The following MAP3K7 variants were observed in gnomAD, a reference collection of about 807,000 sequenced individuals.
The protein encoded by MAP3K7 is TGF-beta activated kinase 1.
A neutral mutation model predicts 84.8 loss-of-function variants in MAP3K7; 21 were observed. That is an observed-to-expected ratio of 0.25 (90% CI 0.18 to 0.36). The LOEUF (loss-of-function observed/expected upper bound fraction) is 0.36, where lower values mean the gene tolerates loss of function less well. Ranked by LOEUF, MAP3K7 falls within the 10% of genes least tolerant of loss-of-function variation. The pLI, the probability that MAP3K7 is intolerant of heterozygous loss-of-function variation, is 1.00. For synonymous variants in MAP3K7, 241 were observed against 247.7 expected (o/e 0.97, Z 0.25); for missense variants, 503 against 747.7 (o/e 0.67, Z 3.82).
At chr6:90,545,662 T>C (rs1239271519) in intron 11 of MAP3K7, among the ~76,000 whole-genome samples, 1 of 152,148 alleles carries the variant, frequency 6.6e-6, no homozygotes, top group East Asian at 1.9e-4. Context: ...TGACTTCTAC[T>C]CAACTTGATA....
At chr6:90,566,528 G>A (rs1370967316) in intron 3 of MAP3K7, among the ~76,000 whole-genome samples, 1 of 152,158 alleles carries the variant, frequency 6.6e-6, no homozygotes, top group African/African-American at 2.4e-5. Context: ...CCTCTTCAAG[G>A]AGAACTACAA....
intron 14 of MAP3K7, 137 bp from the exon 15 acceptor site, chr6:90,519,456 AAG>A: frequency 1.6e-6 from 1 of 627,136 alleles, no homozygotes; most frequent in South Asian, 1.8e-5. Context: ...TTGGTAATTG[AAG>A]AGTCTATTTC....
chr6:90,531,426 T>A (rs157710), intron 13 of MAP3K7, among the ~76,000 whole-genome samples: 6,524 of 152,258 alleles, frequency 0.043, 517 homozygotes, highest in African/African-American at 0.15. Flanking sequence ...AAGTAACATC[T>A]CAATAATATA....
At chr6:90,579,870 C>A (rs1264048629) in intron 1 of MAP3K7, among the ~76,000 whole-genome samples, 2 of 151,848 alleles carry the variant, frequency 1.3e-5, no homozygotes, top group African/African-American at 2.4e-5. Context: ...GGGAGACAGA[C>A]AAACAAAAAA....
At chr6:90,581,488 T>C (rs1777270603) in intron 1 of MAP3K7, among the ~76,000 whole-genome samples, 1 of 152,230 alleles carries the variant, frequency 6.6e-6, no homozygotes, top group Non-Finnish European at 1.5e-5. Context: ...AGAGTGGAAC[T>C]GCCATCTGCT....
intron 1 of MAP3K7, among the ~76,000 whole-genome samples, chr6:90,585,366 GA>G (rs1316905299): frequency 6.6e-6 from 1 of 151,912 alleles, no homozygotes; most frequent in Non-Finnish European, 1.5e-5. Flanking sequence ...ACATGCACAG[GA>G]AAAAAAATTT....
intron 5 of MAP3K7, 73 bp from the exon 6 acceptor site, chr6:90,556,697 T>A (rs1238045988): frequency 6.9e-7 from 1 of 1,445,254 alleles, no homozygotes; most frequent in Admixed American, 2.4e-5. Context: ...AGAAGAGACA[T>A]TTGTGGAAAT....
chr6:90,518,357 T>C (rs1775039088), intron 16 of MAP3K7, 90 bp downstream of exon 16: 1 of 713,886 alleles, frequency 1.4e-6, no homozygotes, highest in Non-Finnish European at 2.3e-6. Context: ...TAATGACTAA[T>C]TCTAAAAACT....
intron 13 of MAP3K7, among the ~76,000 whole-genome samples, chr6:90,529,818 C>G (rs1405141586): frequency 1.3e-5 from 2 of 152,074 alleles, no homozygotes; most frequent in African/African-American, 4.8e-5. Flanking sequence ...AGAGACCATG[C>G]GTACTTTTTA....
chr6:90,542,015 A>T (rs527616051), intron 12 of MAP3K7, among the ~76,000 whole-genome samples: 1 of 152,174 alleles, frequency 6.6e-6, no homozygotes, highest in East Asian at 1.9e-4. Context: ...ATATTTAAAA[A>T]GAATCCTTGC....
At position 90,527,792 on chromosome 6, in the gene MAP3K7, C is replaced by T. The variant is rs1179940635; in HGVS notation, c.1357-4009G>A. On this transcript the variant is annotated intron_variant, in intron 13 of 16. Coordinates refer to ENST00000369329, the MANE Select transcript of MAP3K7 (RefSeq NM_145331.3). ...TCATAACTTATACATTATATACATT[C>T]TTGTCTACATATTTATATTTCATAT... Among the ~76,000 whole-genome samples, 3 of 150,380 alleles carry T rather than the reference C, an allele frequency of 2.0e-5. No individual in the cohort carries two copies. In the Admixed American group the frequency reaches 2.0e-4, roughly 10 times the overall value.
chr6:90,586,526 A>G (rs1411495779), intron 1 of MAP3K7, among the ~76,000 whole-genome samples: 12 of 152,292 alleles, frequency 7.9e-5, no homozygotes, highest in South Asian at 2.1e-4. Flanking sequence ...TATCACCGGA[A>G]TATCAAATCC....
intron 6 of MAP3K7, among the ~76,000 whole-genome samples, chr6:90,553,985 T>C (rs777744352): frequency 4.6e-5 from 7 of 152,192 alleles, no homozygotes; most frequent in Admixed American, 1.3e-4. Context: ...TCATCCAGGC[T>C]GGAGCTCAGT....
intron 1 of MAP3K7, among the ~76,000 whole-genome samples, chr6:90,572,270 C>T (rs35946705): frequency 0.021 from 3,125 of 151,646 alleles, 117 homozygotes; most frequent in African/African-American, 0.072. Flanking sequence ...GGAGGAGAAA[C>T]GATATAAATA....
chr6:90,547,906 CTATT>C (rs1776054997), intron 10 of MAP3K7, 137 bp downstream of exon 10: 2 of 631,038 alleles, frequency 3.2e-6, no homozygotes, highest in East Asian at 3.2e-5. Flanking sequence ...TTACGTGTCT[CTATT>C]TGTAAGCTCT....
chr6:90,547,172 C>T (rs1269194461), intron 11 of MAP3K7, 86 bp downstream of exon 11: 10 of 1,480,794 alleles, frequency 6.8e-6, no homozygotes, highest in Admixed American at 2.2e-5. Flanking sequence ...ATAAGACACA[C>T]ACAAAAAACC....
chr6:90,559,662 A>G (rs1776445365), intron 5 of MAP3K7, among the ~76,000 whole-genome samples: 1 of 152,214 alleles, frequency 6.6e-6, no homozygotes, highest in Admixed American at 6.5e-5. Flanking sequence ...TTCCTCTGAA[A>G]GAGCAAGTAA....
intron 12 of MAP3K7, among the ~76,000 whole-genome samples, chr6:90,544,320 C>T (rs1302746266): frequency 6.6e-6 from 1 of 152,046 alleles, no homozygotes; most frequent in Non-Finnish European, 1.5e-5. Flanking sequence ...TCTCCCTTCT[C>T]CAAAAAGGTT....
Position 90,544,017 on chromosome 6 carries a change from C to A in MAP3K7, c.1291+535G>T, listed in dbSNP as rs1410970326. Among the ~76,000 whole-genome samples the A allele has an allele frequency of 2.0e-5, 3 of 152,192 alleles. No individual in the cohort carries two copies. In the South Asian group the frequency reaches 6.2e-4, roughly 32 times the overall value. On this transcript the variant is annotated intron_variant, in intron 12 of 16. Transcript: ENST00000369329. ...CATGATTCTTTGGCAAGATACCCTG[C>A]AAAACAGCACATCTCATTTAGCTTT...
Sources: gnomAD v4.1 joint callset for allele counts (sites outside exome capture counted in the v4.1 genomes callset) on GRCh38, gnomAD v4.1.1 for gene constraint, MANE v1.5 for transcripts, NCBI Gene and HGNC (gene_info 2026-07-23, HGNC 2026-07-21) for gene names.